The following SWT1 variants were observed in gnomAD, a reference collection of about 807,000 sequenced individuals.
The protein encoded by SWT1 is transcriptional protein SWT1.
A neutral mutation model predicts 107.3 loss-of-function variants in SWT1; 33 were observed. That is an observed-to-expected ratio of 0.31 (90% CI 0.23 to 0.41). The LOEUF (loss-of-function observed/expected upper bound fraction) is 0.41, where lower values mean the gene tolerates loss of function less well. Ranked by LOEUF, SWT1 falls within the 10% of genes least tolerant of loss-of-function variation. SWT1 has a pLI of 1.00. For missense variants in SWT1, 898 were observed against 1,028.9 expected, an observed-to-expected ratio of 0.87 and a Z score of 1.74; for synonymous variants, 345 against 348.3, an observed-to-expected ratio of 0.99 and a Z score of 0.11.
intron 16 of SWT1, among the ~76,000 whole-genome samples, chr1:185,243,390 G>A (rs944620759): frequency 1.3e-5 from 2 of 152,196 alleles, no homozygotes; most frequent in Non-Finnish European, 2.9e-5. Flanking sequence ...GATTACAGGT[G>A]TGAGCCACCA....
rs542762683 is a variant in SWT1 at position 185,165,482 on chromosome 1, C to T, written c.85-1090C>T. ...CTGACTATCTCCTTTACTGCTATGT[C>T]CATGATCCAAGCACCTTGTTTTCCT... On this transcript the variant is annotated intron_variant, in intron 2 of 18. Transcript: ENST00000367500. Among the ~76,000 whole-genome samples, 6 of 152,280 alleles carry T rather than the reference C, an allele frequency of 3.9e-5. No homozygotes were observed. The South Asian group carries it at 1.2e-3, about 32-fold the overall frequency.
chr1:185,290,702 C>T lies in SWT1; in HGVS notation c.2602C>T (p.Leu868=). 6.3e-7 allele frequency: 1 copy of T among 1,581,922 alleles called. No homozygotes were observed. The change falls in exon 19 of 19, where the codon CTG becomes TTG. Residue 868 remains leucine, a synonymous_variant. Transcript: ENST00000367500. ...AAAGTTAACCATTGGATGCCGCCAG[C>T]TGGTTGAGATGGAATATACCATGCA... is the stretch of plus-strand genomic sequence containing the variant. ...REKLTIGCRQ[L]VEMEYTMQQC...
chr1:185,236,796 A>C (rs925608512), intron 16 of SWT1, among the ~76,000 whole-genome samples: 6 of 152,198 alleles, frequency 3.9e-5, no homozygotes, highest in African/African-American at 1.4e-4. Context: ...AATGGGAGAA[A>C]ATTTTTGCAA....
chr1:185,204,755 C>A lies in SWT1; in HGVS notation c.1725C>A (p.Ser575=). 1 of 1,601,378 alleles carries A rather than the reference C, an allele frequency of 6.2e-7. No homozygotes were observed. The highest frequency in any genetic ancestry group is 1.1e-5 in the South Asian group (1 of 88,940). Reference sequence around the variant, plus strand: ...AGGAATCTACAAATTCTGGACTGTCCATTCTGCTTGAGAGCATTGTATCTG... The same window carrying A: ...AGGAATCTACAAATTCTGGACTGTCAATTCTGCTTGAGAGCATTGTATCTG... ...YKEESTNSGL[S]ILLESIVSDL... The change falls in exon 12 of 19, where the codon TCC becomes TCA. Residue 575 remains serine (S), a synonymous_variant. Coordinates refer to ENST00000367500, the MANE Select transcript of SWT1 (RefSeq NM_017673.7).
At chr1:185,178,778 G>A (rs771731897) in intron 5 of SWT1, among the ~76,000 whole-genome samples, 2 of 152,010 alleles carry the variant, frequency 1.3e-5, no homozygotes, top group African/African-American at 4.8e-5. Flanking sequence ...GAGATTTAAA[G>A]TTATATGGAG....
intron 4 of SWT1, among the ~76,000 whole-genome samples, chr1:185,172,799 A>C (rs566579757): frequency 1.1e-4 from 16 of 152,278 alleles, no homozygotes; most frequent in African/African-American, 3.8e-4. Flanking sequence ...CTGTAATCCC[A>C]GCACTTTGGG....
At chr1:185,180,552 T>TAAC in intron 6 of SWT1, 102 bp downstream of exon 6, 1 of 812,008 alleles carries the variant, frequency 1.2e-6, no homozygotes, top group Non-Finnish European at 2.0e-6. Flanking sequence ...AATATGAAAA[T>TAAC]AACAATGATG....
At chr1:185,201,380 G>A (rs1657865431) in intron 10 of SWT1, among the ~76,000 whole-genome samples, 1 of 152,142 alleles carries the variant, frequency 6.6e-6, no homozygotes, top group Non-Finnish European at 1.5e-5. Context: ...CCCTAGTGAT[G>A]TAGGCACCCG....
Position 185,179,696 on chromosome 1 carries a change from T to G in SWT1, c.967-695T>G, listed in dbSNP as rs533581120. Among the ~76,000 whole-genome samples the G allele has an allele frequency of 2.0e-5, 3 of 152,344 alleles. No homozygotes were observed. The South Asian group carries it at 6.2e-4, about 32-fold the overall frequency. On this transcript the variant is annotated intron_variant, in intron 5 of 18. Coordinates refer to ENST00000367500, the MANE Select transcript of SWT1 (RefSeq NM_017673.7). ...AACTTGTTTACCTTTGCATTCATTA[T>G]TTCTCTTTTTTTGGGGTGGCATGTA...
chr1:185,160,727 G>C (rs1654070404), intron 1 of SWT1, 106 bp from the exon 2 acceptor site: 1 of 767,906 alleles, frequency 1.3e-6, no homozygotes, highest in Admixed American at 2.9e-5. Context: ...AAAATAAAAA[G>C]TGATCATATT....
rs917056370 is a variant in SWT1, at chr1:185,211,411, T to C, written c.1973-3096T>C. On this transcript the variant is annotated intron_variant, in intron 13 of 18. Coordinates refer to ENST00000367500, the MANE Select transcript of SWT1 (RefSeq NM_017673.7). ...CCACACATCTACAACCATCCAAATATCTATTTTTATAAGTTACCAATTTTT... is the reference window on the plus strand; with the variant it reads ...CCACACATCTACAACCATCCAAATACCTATTTTTATAAGTTACCAATTTTT... Among the ~76,000 whole-genome samples, 21 of 152,264 alleles carry C rather than the reference T, an allele frequency of 1.4e-4. 1 individual carries two copies. The highest frequency in any genetic ancestry group is 4.3e-4 in the African/African-American group (18 of 41,552).
At position 185,240,473 on chromosome 1, in the gene SWT1, A is replaced by T. The variant is rs74134445; in HGVS notation, c.2441+8765A>T. 2.8e-3 allele frequency among the ~76,000 whole-genome samples: 421 copies of T among 152,168 alleles called. 2 individuals are homozygous for T. Among genetic ancestry groups the T allele is most frequent in the African/African-American group, 9.6e-3 (400 of 41,558 alleles). On this transcript the variant is annotated intron_variant, in intron 16 of 18. Transcript: ENST00000367500. ...GTGCATTTTGAGGACATGCTTTTAT[A>T]TTAAAAGATATCTCAAGTGTATATA...
At chr1:185,158,202 G>T (rs1653801102) in intron 1 of SWT1, among the ~76,000 whole-genome samples, 1 of 152,014 alleles carries the variant, frequency 6.6e-6, no homozygotes, top group Non-Finnish European at 1.5e-5. Context: ...ATGATTATTT[G>T]GCACTTTGAA....
chr1:185,205,262 G>A (rs1391066594), intron 12 of SWT1, among the ~76,000 whole-genome samples: 1 of 152,190 alleles, frequency 6.6e-6, no homozygotes, highest in African/African-American at 2.4e-5. Context: ...AAGAATCAGA[G>A]TATAAGTTGA....
At chr1:185,158,898 A>G (rs1653891381) in intron 1 of SWT1, among the ~76,000 whole-genome samples, 1 of 152,188 alleles carries the variant, frequency 6.6e-6, no homozygotes, top group Admixed American at 6.5e-5. Context: ...GTTGCAGTGA[A>G]GATATGTGCC....
In SWT1 at chr1:185,165,456, TCTGA is replaced by T. The variant is rs879848968; in HGVS notation, c.85-1113_85-1110del. On this transcript the variant is annotated intron_variant, in intron 2 of 18. Transcript: ENST00000367500. ...AAATGATGTATACTGGTGTTCAGAG[TCTGA>T]CTATCTCCTTTACTGCTATGTCCAT... Among the ~76,000 whole-genome samples the T allele has an allele frequency of 3.0e-4, 45 of 152,236 alleles. 1 individual carries two copies. The highest frequency in any genetic ancestry group is 1.4e-3 in the East Asian group (7 of 5,170).
chr1:185,226,748 T>A (rs1386183924), intron 15 of SWT1: 3 of 495,722 alleles, frequency 6.1e-6, no homozygotes, highest in Non-Finnish European at 9.7e-6. Flanking sequence ...TTTTTTTTTT[T>A]GCTGTCCATA....
intron 16 of SWT1, among the ~76,000 whole-genome samples, chr1:185,234,623 A>G (rs540122328): frequency 2.6e-5 from 4 of 152,100 alleles, no homozygotes; most frequent in Non-Finnish European, 5.9e-5. Flanking sequence ...TAAGGTTAAT[A>G]TTGTTATGTG....
intron 18 of SWT1, among the ~76,000 whole-genome samples, chr1:185,288,389 G>A (rs558708093): frequency 2.0e-5 from 3 of 152,210 alleles, no homozygotes. Flanking sequence ...GCTTTAATCA[G>A]TCTCAGAGAA....
Sources: allele counts gnomAD v4.1 joint callset (sites outside exome capture counted in the v4.1 genomes callset), GRCh38; gene constraint gnomAD v4.1.1; transcripts MANE v1.5; gene names NCBI Gene and HGNC (gene_info 2026-07-23, HGNC 2026-07-21).